The following LRTM1 variants were observed in gnomAD, a reference collection of about 807,000 sequenced individuals.
LRTM1 encodes leucine rich repeat transmembrane protein 1.
A neutral mutation model predicts 32.4 loss-of-function variants in LRTM1; 38 were observed. That is an observed-to-expected ratio of 1.17 (90% CI 0.91 to 1.54). The LOEUF is 1.54. LRTM1 is among the 40% of genes most tolerant of loss of function. LRTM1 has a pLI of 0.00. For missense variants in LRTM1, 466 were observed against 415.4 expected, an observed-to-expected ratio of 1.12 and a Z score of -1.06; for synonymous variants, 186 against 169.9, an observed-to-expected ratio of 1.09 and a Z score of -0.74.
Position 54,925,192 on chromosome 3 carries a change from C to A in LRTM1, c.31G>T (p.Val11Leu), listed in dbSNP as rs1444112347. The stretch of plus-strand genomic sequence containing the variant: ...CATACCACCTGGAGCAGGACAATCA[C>A]ACTGGAAAACAGGAGCAGTTCACCT... MKGELLLFSS[V>L]IVLLQVVCSC... The change falls in exon 2 of 3, where the codon GTG (valine) becomes TTG (leucine). Residue 11 changes from valine to leucine, a missense_variant. Transcript: ENST00000273286. 2 of 1,612,244 alleles carry A rather than the reference C, an allele frequency of 1.2e-6. No individual in the cohort carries two copies. Among genetic ancestry groups the A allele is most frequent in the Admixed American group, 3.3e-5 (2 of 59,972 alleles).
chr3:54,957,847 C>T (rs1701939709), intron 1 of LRTM1, among the ~76,000 whole-genome samples: 1 of 152,152 alleles, frequency 6.6e-6, no homozygotes, highest in African/African-American at 2.4e-5. Context: ...AGCAACTTCC[C>T]CTGTAGATTT....
chr3:54,933,480 T>C (rs1305091438), intron 1 of LRTM1, among the ~76,000 whole-genome samples: 1 of 152,172 alleles, frequency 6.6e-6, no homozygotes, highest in African/African-American at 2.4e-5. Flanking sequence ...CCACTTCTGC[T>C]CACATTCTAT....
upstream of LRTM1, chr3:54,928,179 G>A (rs1701081944): frequency 2.0e-6 from 1 of 509,692 alleles, no homozygotes; most frequent in African/African-American, 1.9e-5. Context: ...TAAAATGTTG[G>A]CCTCCCCAGG....
At chr3:54,926,572 T>G (rs1701028157) in intron 1 of LRTM1, among the ~76,000 whole-genome samples, 1 of 150,822 alleles carries the variant, frequency 6.6e-6, no homozygotes, top group Non-Finnish European at 1.5e-5. Context: ...ACATAACACT[T>G]TTTAAAAATC....
intron 1 of LRTM1, among the ~76,000 whole-genome samples, chr3:54,926,505 TAC>T (rs36205023): frequency 0.035 from 5,056 of 143,304 alleles, 90 homozygotes; most frequent in East Asian, 0.069. Context: ...GCCTGTCAAA[TAC>T]ACACACACAC....
chr3:54,947,648 GA>G (rs1701648283), intron 1 of LRTM1, among the ~76,000 whole-genome samples: 1 of 152,056 alleles, frequency 6.6e-6, no homozygotes, highest in African/African-American at 2.4e-5. Flanking sequence ...GCAGGCAAAG[GA>G]AATTTTTGCT....
At chr3:54,958,045 T>G (rs764091044) in intron 1 of LRTM1, among the ~76,000 whole-genome samples, 2 of 152,220 alleles carry the variant, frequency 1.3e-5, no homozygotes, top group Non-Finnish European at 2.9e-5. Flanking sequence ...ACCCCGTGTG[T>G]GTTCACAAGT....
intron 1 of LRTM1, among the ~76,000 whole-genome samples, chr3:54,949,155 A>G (rs1002378588): frequency 4.6e-5 from 7 of 152,180 alleles, no homozygotes; most frequent in South Asian, 4.1e-4. Context: ...TTTCAGTTCA[A>G]TGTCCTGGGG....
intron 1 of LRTM1, among the ~76,000 whole-genome samples, chr3:54,940,048 T>A (rs1046036374): frequency 3.9e-5 from 6 of 152,056 alleles, no homozygotes; most frequent in African/African-American, 1.4e-4. Context: ...ATGGAGAAGG[T>A]GGAGCTGACC....
chr3:54,928,154 G>T, upstream of LRTM1: 1 of 521,508 alleles, frequency 1.9e-6, no homozygotes, highest in Non-Finnish European at 3.4e-6. Context: ...TTGGGATCGT[G>T]CCCCTCTTCT....
At chr3:54,933,362 G>A (rs1415554283) in intron 1 of LRTM1, among the ~76,000 whole-genome samples, 3 of 152,108 alleles carry the variant, frequency 2.0e-5, no homozygotes, top group Admixed American at 6.5e-5. Context: ...AGGTTGACAG[G>A]GGCCTGGGCT....
At chr3:54,959,691 A>G (rs1055099105) in intron 1 of LRTM1, among the ~76,000 whole-genome samples, 22 of 152,194 alleles carry the variant, frequency 1.4e-4, no homozygotes, top group African/African-American at 4.8e-4. Flanking sequence ...TTAAAATACA[A>G]TGAAGCCCGA....
intron 2 of LRTM1, among the ~76,000 whole-genome samples, chr3:54,922,776 C>T (rs1192029292): frequency 1.3e-5 from 2 of 152,102 alleles, no homozygotes; most frequent in Non-Finnish European, 1.5e-5. Flanking sequence ...TGACATGCCC[C>T]AAGCTGAAGT....
chr3:54,925,286 T>C (rs1700982897), intron 1 of LRTM1, 71 bp from the exon 2 acceptor site: 2 of 1,276,076 alleles, frequency 1.6e-6, no homozygotes, highest in Non-Finnish European at 2.2e-6. Flanking sequence ...TTTCCGCCTT[T>C]GAATTTACAG....
At chr3:54,939,292 C>T (rs971410941) in intron 1 of LRTM1, among the ~76,000 whole-genome samples, 2 of 152,166 alleles carry the variant, frequency 1.3e-5, no homozygotes, top group South Asian at 4.1e-4. Context: ...AAAATTGAAA[C>T]TTGATGAGAC....
At chr3:54,921,569 G>A (rs1234868111) in intron 2 of LRTM1, among the ~76,000 whole-genome samples, 3 of 152,096 alleles carry the variant, frequency 2.0e-5, no homozygotes, top group African/African-American at 7.2e-5. Context: ...ACTTTTTGTG[G>A]TCTATTTGAG....
chr3:54,958,523 A>G (rs906139211), intron 1 of LRTM1, among the ~76,000 whole-genome samples: 14 of 152,142 alleles, frequency 9.2e-5, no homozygotes, highest in Non-Finnish European at 2.1e-4. Flanking sequence ...AGCATTTTGG[A>G]GTCTGGGCAG....
chr3:54,941,149 C>T (rs1026617673), intron 1 of LRTM1, among the ~76,000 whole-genome samples: 5 of 152,146 alleles, frequency 3.3e-5, no homozygotes, highest in African/African-American at 1.2e-4. Context: ...ATATTGGCCC[C>T]AGTTAAAGTA....
At chr3:54,936,536 G>C (rs1400349668) in intron 1 of LRTM1, among the ~76,000 whole-genome samples, 1 of 152,174 alleles carries the variant, frequency 6.6e-6, no homozygotes, top group East Asian at 1.9e-4. Context: ...CTTTGCTGCA[G>C]CCTCCATTCA....
Sources: allele counts gnomAD v4.1 joint callset (sites outside exome capture counted in the v4.1 genomes callset), GRCh38; gene constraint gnomAD v4.1.1; transcripts MANE v1.5; gene names NCBI Gene and HGNC (gene_info 2026-07-23, HGNC 2026-07-21).